The following ATP5IF1 variants were observed in gnomAD, a reference collection of about 807,000 sequenced individuals.
The protein encoded by ATP5IF1 is ATPase inhibitor, mitochondrial.
Under a neutral mutation model 8.5 loss-of-function variants are expected in ATP5IF1, and 12 were observed. The observed-to-expected ratio is 1.41, with a 90% CI of 0.90 to 2.28. The LOEUF (loss-of-function observed/expected upper bound fraction) is 2.28, where lower values mean the gene tolerates loss of function less well. Among genes scored for constraint, ATP5IF1 ranks in the 30% most tolerant of loss-of-function variants. The pLI is 0.00. For missense variants in ATP5IF1, 154 were observed against 140.2 expected (o/e 1.10, Z -0.50); for synonymous variants, 51 against 53.4 (o/e 0.96, Z 0.19).
In ATP5IF1 at chr1:28,237,030, C is replaced by T. The variant is rs895355845; in HGVS notation, c.179+578C>T. On this transcript the variant is annotated intron_variant, in intron 2 of 2. Transcript: ENST00000335514. ...ATCTTCTAAAGGCTTTTGCCCTACT[C>T]AGCCCAACCTAGACCTGTAGATTTC... 5.1e-5 allele frequency: 52 copies of T among 1,017,412 alleles called. No homozygotes were observed. The South Asian group carries it at 6.1e-4, about 12-fold the overall frequency. 63.0% of individuals were successfully genotyped at this position (1,017,412 alleles called of 1,614,324 possible). A position where few individuals can be genotyped will look rare whatever the true frequency, so the allele number is the denominator to read the frequency against.
chr1:28,237,255 C>T (rs964961806), intron 2 of ATP5IF1: 4 of 995,432 alleles, frequency 4.0e-6, no homozygotes, highest in Admixed American at 5.7e-5. Context: ...AAGGTACAGC[C>T]GTTAGAGACT....
At position 28,237,891 on chromosome 1, in the gene ATP5IF1, C is replaced by T. The variant is rs995815918; in HGVS notation, c.234C>T (p.Ile78=). The stretch of plus-strand genomic sequence containing the variant: ...TGAAAAAACACCATGAAGAAGAAAT[C>T]GTTCATCATAAGAAGGAGATTGAGC... The part of the protein sequence containing the change: ...AALKKHHEEE[I]VHHKKEIERL... The change falls in exon 3 of 3, where the codon ATC becomes ATT. Residue 78 remains isoleucine (I), a synonymous_variant. Coordinates refer to ENST00000335514, the MANE Select transcript of ATP5IF1 (RefSeq NM_016311.5). 5.6e-6 allele frequency: 9 copies of T among 1,614,084 alleles called. No individual in the cohort carries two copies. The highest frequency in any genetic ancestry group is 1.6e-4 in the Middle Eastern group (1 of 6,062).
chr1:28,236,497 G>T (rs2232720), intron 2 of ATP5IF1, 45 bp downstream of exon 2: 41,432 of 1,613,494 alleles, frequency 0.026, 679 homozygotes, highest in Middle Eastern at 0.069. Context: ...TCTCCCAATG[G>T]CCTTCCAATC....
chr1:28,236,233 T>G lies in ATP5IF1; in HGVS notation c.50T>G (p.Val17Gly). 1 of 1,613,840 alleles carries G rather than the reference T, an allele frequency of 6.2e-7. No homozygotes were observed. Among genetic ancestry groups the G allele is most frequent in the Non-Finnish European group, 8.5e-7 (1 of 1,179,986 alleles). ...AARTWLGVWG[V>G]RTMQARGFGS... ...CGGACGTGGCTTGGCGTGTGGGGCG[T>G]GAGGACCATGCAAGCCCGAGGCTTC... is the stretch of plus-strand genomic sequence containing the variant. The change falls in exon 1 of 3, where the codon GTG becomes GGG. Residue 17 changes from valine (V) to glycine (G), a missense_variant. Val to Gly is a moderately radical substitution (Grantham distance 109). Coordinates refer to ENST00000335514, the MANE Select transcript of ATP5IF1 (RefSeq NM_016311.5).
At chr1:28,236,304 G>A in intron 1 of ATP5IF1, 34 bp downstream of exon 1, 2 of 1,614,168 alleles carry the variant, frequency 1.2e-6, no homozygotes, top group Non-Finnish European at 1.7e-6. Flanking sequence ...CTCCAGCCCC[G>A]CGGGCGGATC....
At chr1:28,237,768 A>G (rs9508) in intron 2 of ATP5IF1, 69 bp from the exon 3 acceptor site, 483,042 of 1,613,506 alleles carry the variant, frequency 0.3, 77,892 homozygotes, top group African/African-American at 0.61. Context: ...TAGACATTAC[A>G]GGTTATGCTT....
chr1:28,237,784 T>C, intron 2 of ATP5IF1, 53 bp from the exon 3 acceptor site: 1 of 1,614,122 alleles, frequency 6.2e-7, no homozygotes, highest in South Asian at 1.1e-5. Flanking sequence ...TGCTTTGAGA[T>C]CTCTTTGGGG....
chr1:28,237,951 G>C lies in ATP5IF1; in HGVS notation c.294G>C (p.Lys98Asn). ...AAGAAATTGAGCGCCATAAGCAGAA[G>C]ATCAAAATGCTAAAACATGATGATT... ...LQKEIERHKQKIKMLKHDD is the reference protein window; with the variant it reads ...LQKEIERHKQNIKMLKHDD Residue 98 changes from lysine (K) to asparagine (N), a missense_variant, in exon 3 of 3, where the codon AAG becomes AAC. Physicochemically the swap from Lys to Asn is moderately conservative, Grantham distance 94. Coordinates refer to ENST00000335514, the MANE Select transcript of ATP5IF1 (RefSeq NM_016311.5). The C allele has an allele frequency of 6.2e-7, 1 of 1,612,662 alleles. No homozygotes were observed. The highest frequency in any genetic ancestry group is 8.5e-7 in the Non-Finnish European group (1 of 1,179,980).
Position 28,237,842 on chromosome 1 carries a change from A to G in ATP5IF1, c.185A>G (p.Gln62Arg). 1 of 1,614,196 alleles carries G rather than the reference A, an allele frequency of 6.2e-7. No homozygotes were observed. Among genetic ancestry groups the G allele is most frequent in the Non-Finnish European group, 8.5e-7 (1 of 1,180,036 alleles). ...GAGCCACCGTGTCCTTGTAGAGCAC[A>G]GAGTAGAGAACAACTGGCAGCTTTG... ...QAEEERYFRA[Q>R]SREQLAALKK... The change falls in exon 3 of 3, where the codon CAG (glutamine) becomes CGG (arginine). Residue 62 changes from glutamine (Q) to arginine (R), a missense_variant. Gln to Arg is a conservative substitution (Grantham distance 43). Transcript: ENST00000335514.
At chr1:28,237,711 G>A (rs1392231829) in intron 2 of ATP5IF1, 126 bp from the exon 3 acceptor site, 1 of 1,609,626 alleles carries the variant, frequency 6.2e-7, no homozygotes, top group Admixed American at 1.7e-5. Context: ...GAGTAGAAGA[G>A]GATGACCAGC....
chr1:28,238,084 A>G lies in ATP5IF1; in HGVS notation c.*106A>G. On this transcript the variant is annotated 3_prime_UTR_variant, in exon 3 of 3. Coordinates refer to ENST00000335514, the MANE Select transcript of ATP5IF1 (RefSeq NM_016311.5). ...CTGTGTGCTACTAACAGATTATAAT[A>G]AATTGTCATCAGTGAACTGTGTTTG... 1 of 1,185,150 alleles carries G rather than the reference A, an allele frequency of 8.4e-7. No individual in the cohort carries two copies. Among genetic ancestry groups the G allele is most frequent in the East Asian group, 2.4e-5 (1 of 40,950 alleles). 73.4% of individuals were successfully genotyped at this position (1,185,150 alleles called of 1,614,324 possible). A position where few individuals can be genotyped will look rare whatever the true frequency, so the allele number is the denominator to read the frequency against.
chr1:28,238,054 T>C lies in ATP5IF1; in HGVS notation c.*76T>C, dbSNP rs1476769032. ...AGACATGGTTCTGGTTTAACTAATA[T>C]TTGTCTGTGTGCTACTAACAGATTA... is the stretch of plus-strand genomic sequence containing the variant. On this transcript the variant is annotated 3_prime_UTR_variant, in exon 3 of 3. Transcript: ENST00000335514. 2 of 1,402,274 alleles carry C rather than the reference T, an allele frequency of 1.4e-6. No individual in the cohort carries two copies. The highest frequency in any genetic ancestry group is 4.6e-5 in the East Asian group (2 of 43,700). 86.9% of individuals were successfully genotyped at this position (1,402,274 alleles called of 1,614,324 possible).
Position 28,236,151 on chromosome 1 carries a change from G to GGCAGAGACGCCAGAGGTGCAGCTCCA in ATP5IF1, c.-28_-3dup. ...CGCGTAACGAGAGACTGCTTGCTGC[G>GGCAGAGACGCCAGAGGTGCAGCTCCA]GCAGAGACGCCAGAGGTGCAGCTCC... On this transcript the variant is annotated 5_prime_UTR_variant, in exon 1 of 3. Coordinates refer to ENST00000335514, the MANE Select transcript of ATP5IF1 (RefSeq NM_016311.5). The GGCAGAGACGCCAGAGGTGCAGCTCCA allele has an allele frequency of 1.9e-6, 3 of 1,608,498 alleles. No individual in the cohort carries two copies. The highest frequency in any genetic ancestry group is 2.5e-6 in the Non-Finnish European group (3 of 1,179,642).
In ATP5IF1 at chr1:28,238,073, CAG is replaced by C. The variant is rs751671258; in HGVS notation, c.*97_*98del. 7.6e-4 allele frequency: 960 copies of C among 1,259,708 alleles called. 1 individual carries two copies. Among genetic ancestry groups the C allele is most frequent in the Non-Finnish European group, 8.9e-4 (816 of 914,340 alleles). The allele number at this position is 1,259,708 out of a possible 1,614,324, so 78.0% of individuals were successfully genotyped here. A position where few individuals can be genotyped will look rare whatever the true frequency, so the allele number is the denominator to read the frequency against. ...CTAATATTTGTCTGTGTGCTACTAA[CAG>C]ATTATAATAAATTGTCATCAGTGAA... On this transcript the variant is annotated 3_prime_UTR_variant, in exon 3 of 3. Coordinates refer to ENST00000335514, the MANE Select transcript of ATP5IF1 (RefSeq NM_016311.5).
At chr1:28,236,522 C>A in intron 2 of ATP5IF1, 70 bp downstream of exon 2, 1 of 1,607,738 alleles carries the variant, frequency 6.2e-7, no homozygotes, top group South Asian at 1.1e-5. Flanking sequence ...AACTGCCAAT[C>A]GCCCCACCCG....
chr1:28,236,655 A>G, intron 2 of ATP5IF1: 1 of 1,480,552 alleles, frequency 6.8e-7, no homozygotes, highest in Non-Finnish European at 9.0e-7. Flanking sequence ...TACCTGCACA[A>G]CAGTTTCAGG....
At position 28,237,867 on chromosome 1, in the gene ATP5IF1, G is replaced by C; in HGVS notation, c.210G>C (p.Leu70Phe). The stretch of plus-strand genomic sequence containing the variant: ...AGAGTAGAGAACAACTGGCAGCTTT[G>C]AAAAAACACCATGAAGAAGAAATCG... Reference protein sequence around the residue: ...RAQSREQLAALKKHHEEEIVH... With the variant: ...RAQSREQLAAFKKHHEEEIVH... Residue 70 changes from leucine (L) to phenylalanine (F), a missense_variant, in exon 3 of 3, where the codon TTG becomes TTC. Coordinates refer to ENST00000335514, the MANE Select transcript of ATP5IF1 (RefSeq NM_016311.5). 9 of 1,614,028 alleles carry C rather than the reference G, an allele frequency of 5.6e-6. No individual in the cohort carries two copies. The highest frequency in any genetic ancestry group is 7.6e-6 in the Non-Finnish European group (9 of 1,179,996).
At position 28,236,356 on chromosome 1, in the gene ATP5IF1, T is replaced by C; in HGVS notation, c.88-5T>C. ...ACCTTTACCAGTGTCCCTGTCTCTC[T>C]GCAGTCCGAGAATGTCGACCGGGGC... is the stretch of plus-strand genomic sequence containing the variant. On this transcript the variant is annotated splice_polypyrimidine_tract_variant and splice_region_variant and intron_variant, in intron 1 of 2. Transcript: ENST00000335514. 2 of 1,614,248 alleles carry C rather than the reference T, an allele frequency of 1.2e-6. No individual in the cohort carries two copies. Among genetic ancestry groups the C allele is most frequent in the South Asian group, 2.2e-5 (2 of 91,086 alleles).
chr1:28,237,523 T>A, intron 2 of ATP5IF1: 2 of 1,366,834 alleles, frequency 1.5e-6, no homozygotes, highest in Non-Finnish European at 1.9e-6. Context: ...GTTCCTTTTT[T>A]TTTCCCTAAA....
Sources: allele counts gnomAD v4.1 joint callset, GRCh38; gene constraint gnomAD v4.1.1; transcripts MANE v1.5; gene names NCBI Gene and HGNC (gene_info 2026-07-23, HGNC 2026-07-21).